Variants in PSMD1 observed in about 807,000 individuals in gnomAD.
PSMD1 encodes the protein 26S proteasome non-ATPase regulatory subunit 1.
Under a neutral mutation model 119.0 loss-of-function variants are expected in PSMD1, and 18 were observed. The observed-to-expected ratio is 0.15, with a 90% CI of 0.10 to 0.22. The LOEUF is 0.22. PSMD1 is among the 10% of genes least tolerant of loss of function. The pLI, the probability that PSMD1 is intolerant of heterozygous loss-of-function variation, is 1.00. For missense variants in PSMD1, 702 were observed against 1,158.5 expected (o/e 0.61, Z 5.72); for synonymous variants, 374 against 396.6 (o/e 0.94, Z 0.68).
At chr2:231,086,559 C>T (rs1201689710) in intron 15 of PSMD1, among the ~76,000 whole-genome samples, 1 of 152,120 alleles carries the variant, frequency 6.6e-6, no homozygotes, top group Non-Finnish European at 1.5e-5. Context: ...TGGGAGCCTG[C>T]AGCAGGAGAA....
chr2:231,152,021 G>T (rs1306831158), intron 18 of PSMD1, among the ~76,000 whole-genome samples: 2 of 151,840 alleles, frequency 1.3e-5, no homozygotes, highest in Non-Finnish European at 2.9e-5. Flanking sequence ...GCCATATTGG[G>T]CAGGCCGGTC....
intron 19 of PSMD1, 139 bp from the exon 20 acceptor site, chr2:231,161,201 T>C: frequency 1.3e-6 from 1 of 796,700 alleles, no homozygotes; most frequent in South Asian, 2.0e-5. Flanking sequence ...TTTCACTCTG[T>C]CACCCGAGCT....
chr2:231,100,331 C>T (rs1162481263), intron 16 of PSMD1, among the ~76,000 whole-genome samples: 12 of 152,210 alleles, frequency 7.9e-5, no homozygotes, highest in Admixed American at 4.6e-4. Flanking sequence ...TTATCCCTGA[C>T]GCACATGGCC....
At chr2:231,121,932 T>A (rs537864182) in intron 16 of PSMD1, among the ~76,000 whole-genome samples, 1 of 152,278 alleles carries the variant, frequency 6.6e-6, no homozygotes, top group African/African-American at 2.4e-5. Flanking sequence ...AAGCTACTAT[T>A]ATGCACATGG....
intron 6 of PSMD1, among the ~76,000 whole-genome samples, chr2:231,070,942 G>A (rs906025730): frequency 6.6e-6 from 1 of 151,982 alleles, no homozygotes; most frequent in South Asian, 2.1e-4. Flanking sequence ...TGAAAATTTA[G>A]ATTAAAACAC....
intron 17 of PSMD1, among the ~76,000 whole-genome samples, chr2:231,140,838 C>G (rs956781043): frequency 6.6e-6 from 1 of 151,982 alleles, no homozygotes; most frequent in Non-Finnish European, 1.5e-5. Context: ...AGATCATGCC[C>G]TTGCACTTTA....
chr2:231,149,142 GT>G (rs1696315767), intron 18 of PSMD1, among the ~76,000 whole-genome samples: 3 of 152,138 alleles, frequency 2.0e-5, no homozygotes, highest in African/African-American at 7.2e-5. Context: ...AGCTCCACAC[GT>G]TGCCCTCTTA....
chr2:231,162,826 CAAA>C (rs559646312), intron 20 of PSMD1, among the ~76,000 whole-genome samples: 4 of 101,934 alleles, frequency 3.9e-5, no homozygotes, highest in Non-Finnish European at 2.1e-5. Flanking sequence ...AACTCTGTCT[CAAA>C]AAAAAAAAAA....
chr2:231,084,920 T>A, intron 14 of PSMD1, 99 bp from the exon 15 acceptor site: 1 of 915,980 alleles, frequency 1.1e-6, no homozygotes, highest in Non-Finnish European at 1.7e-6. Flanking sequence ...ATTTCCTATC[T>A]GAGACCAGCT....
rs773578885 is a variant in PSMD1, at chr2:231,070,009, A to G, written c.511-16A>G. 1.4e-6 allele frequency: 2 copies of G among 1,399,648 alleles called. No homozygotes were observed. The highest frequency in any genetic ancestry group is 3.5e-5 in the South Asian group (2 of 56,458). 86.7% of individuals were successfully genotyped at this position (1,399,648 alleles called of 1,614,324 possible). A position where few individuals can be genotyped will look rare whatever the true frequency, so the allele number is the denominator to read the frequency against. ...AATAACCAGATAACGTTATATCTTT[A>G]AACTATCTCTTTCAGAATGATGTCC... is the stretch of plus-strand genomic sequence containing the variant. On this transcript the variant is annotated splice_polypyrimidine_tract_variant and intron_variant, in intron 5 of 24. Transcript: ENST00000308696.
intron 16 of PSMD1, among the ~76,000 whole-genome samples, chr2:231,135,657 T>G (rs765713048): frequency 1.3e-5 from 2 of 152,164 alleles, no homozygotes; most frequent in Non-Finnish European, 2.9e-5. Flanking sequence ...TATCTCTAAT[T>G]ATAAAGGAGA....
rs1035202413 is a variant in PSMD1 at position 231,062,488 on chromosome 2, C to T, written c.135-18C>T. On this transcript the variant is annotated intron_variant, in intron 3 of 24. Transcript: ENST00000308696. ...AACCACAGTTTGAACTAGACCTGTA[C>T]TTCCTAATTTCTTTCAGAGAGGTTT... 5 of 1,576,424 alleles carry T rather than the reference C, an allele frequency of 3.2e-6. No individual in the cohort carries two copies. The African/African-American group carries it at 6.8e-5, about 22-fold the overall frequency.
In PSMD1 at chr2:231,165,972, G is replaced by T. The variant is rs1463632478; in HGVS notation, c.2670G>T (p.Lys890Asn). The change falls in exon 23 of 25, where the codon AAG becomes AAT. Residue 890 changes from lysine (K) to asparagine (N), a missense_variant. Coordinates refer to ENST00000308696, the MANE Select transcript of PSMD1 (RefSeq NM_002807.4). The stretch of plus-strand genomic sequence containing the variant: ...CCCGAGTTATGCCTGCCCAGCTTAA[G>T]GTCCTAACCATGCCGGAGACCTGTA... ...NPARVMPAQL[K>N]VLTMPETCRY... The T allele has an allele frequency of 1.2e-6, 2 of 1,613,950 alleles. No individual in the cohort carries two copies. The highest frequency in any genetic ancestry group is 1.3e-5 in the African/African-American group (1 of 75,022).
chr2:231,167,307 T>C (rs1297394233), intron 23 of PSMD1, among the ~76,000 whole-genome samples: 2 of 152,126 alleles, frequency 1.3e-5, no homozygotes, highest in African/African-American at 4.8e-5. Flanking sequence ...AACAGATGTA[T>C]TAGGACACAA....
intron 1 of PSMD1, among the ~76,000 whole-genome samples, chr2:231,058,674 G>C (rs758551687): frequency 4.6e-5 from 7 of 151,992 alleles, no homozygotes; most frequent in African/African-American, 1.7e-4. Flanking sequence ...GGACCCACAT[G>C]ATCTGATTCC....
chr2:231,064,106 CTG>C (rs1051566428), intron 4 of PSMD1, among the ~76,000 whole-genome samples: 3 of 152,192 alleles, frequency 2.0e-5, no homozygotes, highest in Non-Finnish European at 4.4e-5. Flanking sequence ...CTTCTAAACA[CTG>C]TATCATTTTA....
chr2:231,157,068 C>T (rs1014495169), intron 19 of PSMD1, among the ~76,000 whole-genome samples: 3 of 152,164 alleles, frequency 2.0e-5, no homozygotes, highest in South Asian at 4.1e-4. Context: ...CATTTTACTG[C>T]TCTGTAATCT....
intron 16 of PSMD1, among the ~76,000 whole-genome samples, chr2:231,131,078 A>G (rs750733968): frequency 3.3e-5 from 5 of 151,932 alleles, no homozygotes; most frequent in African/African-American, 4.8e-5. Flanking sequence ...CTTGCAGTTT[A>G]TTTGTTGAAG....
intron 16 of PSMD1, among the ~76,000 whole-genome samples, chr2:231,095,108 G>A (rs1170176278): frequency 1.3e-5 from 2 of 152,154 alleles, no homozygotes; most frequent in African/African-American, 4.8e-5. Context: ...GGGTCTATGC[G>A]ATTTAGTTGC....
Sources: allele counts gnomAD v4.1 joint callset (sites outside exome capture counted in the v4.1 genomes callset), GRCh38; gene constraint gnomAD v4.1.1; transcripts MANE v1.5; gene names NCBI Gene and HGNC (gene_info 2026-07-23, HGNC 2026-07-21).